Variants in DDAH1 observed in about 807,000 individuals in gnomAD.
DDAH1 encodes N(G),N(G)-dimethylarginine dimethylaminohydrolase 1.
In DDAH1, 19 loss-of-function variants were observed where a neutral mutation model predicts 28.8. That is an observed-to-expected ratio of 0.66 (90% confidence interval 0.46 to 0.97). The LOEUF is 0.97. DDAH1 is among the 50% of genes least tolerant of loss of function. The pLI is 0.00. For synonymous variants in DDAH1, 153 were observed against 154.4 expected, an observed-to-expected ratio of 0.99 and a Z score of 0.07; for missense variants, 326 against 375.9, an observed-to-expected ratio of 0.87 and a Z score of 1.10.
chr1:85,458,132 T>C (rs1254728440), intron 1 of DDAH1, among the ~76,000 whole-genome samples: 2 of 152,254 alleles, frequency 1.3e-5, no homozygotes, highest in African/African-American at 4.8e-5. Context: ...TATAGTCCTT[T>C]TAATTTGCTA....
At chr1:85,410,627 A>T (rs1245342008) in intron 1 of DDAH1, among the ~76,000 whole-genome samples, 11 of 117,572 alleles carry the variant, frequency 9.4e-5, no homozygotes, top group Non-Finnish European at 1.9e-4. Context: ...ATAAGAGCGA[A>T]GCTCTGCCTC....
intron 1 of DDAH1, among the ~76,000 whole-genome samples, chr1:85,404,132 T>A (rs1205994915): frequency 6.6e-6 from 1 of 152,230 alleles, no homozygotes; most frequent in African/African-American, 2.4e-5. Flanking sequence ...AAAAAAGGCT[T>A]ATGGAATTTT....
At position 85,464,786 on chromosome 1, in the gene DDAH1, G is replaced by A. The variant is rs139393958; in HGVS notation, c.260C>T (p.Thr87Met). 1.3e-3 allele frequency: 2,033 copies of A among 1,578,878 alleles called. 2 individuals are homozygous for A. The highest frequency in any genetic ancestry group is 1.5e-3 in the Non-Finnish European group (1,770 of 1,169,422). ...VEDVAVVCEETALITRPGAPS... is the reference protein window; with the variant it reads ...VEDVAVVCEEMALITRPGAPS... ...CGCCCCGGGTCGGGTGATGAGGGCCGTCTCCTCGCACACCACGGCCACGTC... is the reference window on the plus strand; with the variant it reads ...CGCCCCGGGTCGGGTGATGAGGGCCATCTCCTCGCACACCACGGCCACGTC... Residue 87 changes from threonine (T) to methionine (M), a missense_variant, in exon 1 of 6, where the codon ACG (threonine) becomes ATG (methionine). Thr to Met is a moderately conservative substitution (Grantham distance 81). Transcript: ENST00000284031. This position sits in a 1 kb window ranked among gnomAD's most constrained non-coding sequence, Gnocchi z 4.4.
intron 1 of DDAH1, among the ~76,000 whole-genome samples, chr1:85,368,349 C>T (rs1009520518): frequency 5.9e-5 from 9 of 152,144 alleles, no homozygotes; most frequent in Admixed American, 2.6e-4. Flanking sequence ...ATAAAAAGCA[C>T]TCTGGACAAA....
intron 1 of DDAH1, among the ~76,000 whole-genome samples, chr1:85,513,816 C>T (rs528266597): frequency 2.0e-5 from 3 of 152,154 alleles, no homozygotes; most frequent in Admixed American, 2.0e-4. Flanking sequence ...CCATCTCATG[C>T]CAGTTAGAAT....
chr1:85,418,889 C>G (rs1354086223), intron 1 of DDAH1, among the ~76,000 whole-genome samples: 1 of 152,108 alleles, frequency 6.6e-6, no homozygotes, highest in Non-Finnish European at 1.5e-5. Context: ...ACAGGAGAAG[C>G]CAGTCATATC....
chr1:85,420,378 A>G (rs1390370927), intron 1 of DDAH1, among the ~76,000 whole-genome samples: 1 of 152,172 alleles, frequency 6.6e-6, no homozygotes, highest in Non-Finnish European at 1.5e-5. Flanking sequence ...TTTTAAATAT[A>G]AGTTCCAGCT....
At chr1:85,439,763 G>A (rs1415154937) in intron 1 of DDAH1, among the ~76,000 whole-genome samples, 1 of 152,184 alleles carries the variant, frequency 6.6e-6, no homozygotes, top group Non-Finnish European at 1.5e-5. Context: ...CTCAGGGAGA[G>A]TGACCTAGCA....
At chr1:85,523,920 A>G (rs1359570983) in intron 1 of DDAH1, among the ~76,000 whole-genome samples, 2 of 152,130 alleles carry the variant, frequency 1.3e-5, no homozygotes, top group African/African-American at 4.8e-5. Context: ...GCCTTTCAAA[A>G]GAGTTAGCAA....
intron 2 of DDAH1, chr1:85,494,047 TAGA>T (rs1392199006): frequency 1.3e-5 from 2 of 152,224 alleles, no homozygotes; most frequent in Non-Finnish European, 2.9e-5. Flanking sequence ...ACTTAAAATG[TAGA>T]AGGTCATATC....
chr1:85,427,249 TTTTG>T (rs1248751703), intron 1 of DDAH1, among the ~76,000 whole-genome samples: 1 of 140,252 alleles, frequency 7.1e-6, no homozygotes, highest in East Asian at 2.1e-4. Flanking sequence ...CTGTTTTTGT[TTTTG>T]TTTTTTTCCA....
chr1:85,448,470 C>T (rs1474716489), intron 1 of DDAH1, among the ~76,000 whole-genome samples: 3 of 152,170 alleles, frequency 2.0e-5, no homozygotes, highest in Non-Finnish European at 1.5e-5. Context: ...GTACCACCCC[C>T]CTTTGTTTAC....
intron 1 of DDAH1, among the ~76,000 whole-genome samples, chr1:85,373,166 C>T (rs974663421): frequency 2.6e-5 from 4 of 152,036 alleles, no homozygotes; most frequent in East Asian, 1.9e-4. Context: ...TTCTTATTGA[C>T]GTTATATAGT....
chr1:85,435,475 C>T (rs1653890937), intron 1 of DDAH1, among the ~76,000 whole-genome samples: 1 of 152,194 alleles, frequency 6.6e-6, no homozygotes, highest in Admixed American at 6.5e-5. Flanking sequence ...GTGAGCAATA[C>T]ATACAAAATC....
At chr1:85,554,725 G>A (rs1658911661) in intron 1 of DDAH1, among the ~76,000 whole-genome samples, 1 of 152,170 alleles carries the variant, frequency 6.6e-6, no homozygotes, top group South Asian at 2.1e-4. Flanking sequence ...ATTGTTTTTG[G>A]GTCAGTTTTG....
chr1:85,423,501 C>A (rs985668818), intron 1 of DDAH1, among the ~76,000 whole-genome samples: 1 of 152,032 alleles, frequency 6.6e-6, no homozygotes, highest in African/African-American at 2.4e-5. Context: ...CCTTCCCTTC[C>A]TTTTCCCCCC....
intron 1 of DDAH1, among the ~76,000 whole-genome samples, chr1:85,530,984 C>G (rs1658071531): frequency 2.4e-5 from 2 of 83,162 alleles, no homozygotes; most frequent in South Asian, 5.1e-4. Flanking sequence ...GAGTGAGACT[C>G]TGTCTCAAAA....
intron 1 of DDAH1, among the ~76,000 whole-genome samples, chr1:85,516,589 C>T (rs1466374614): frequency 1.0e-4 from 15 of 150,084 alleles, no homozygotes; most frequent in Admixed American, 8.7e-4. Context: ...TGCCAATGGC[C>T]TCATCTGATA....
intron 1 of DDAH1, among the ~76,000 whole-genome samples, chr1:85,448,978 C>G (rs1654552500): frequency 6.6e-6 from 1 of 152,092 alleles, no homozygotes; most frequent in African/African-American, 2.4e-5. Context: ...GGGAAAGAGA[C>G]AAAGTTAAGG....
Sources: gnomAD v4.1 joint callset for allele counts (sites outside exome capture counted in the v4.1 genomes callset) on GRCh38, gnomAD v4.1.1 for gene constraint, Gnocchi (gnomAD v3.1) non-coding constraint, MANE v1.5 for transcripts, NCBI Gene and HGNC (gene_info 2026-07-23, HGNC 2026-07-21) for gene names.